Variants in STXBP5 observed in about 807,000 individuals in gnomAD.
The protein encoded by STXBP5 is syntaxin binding protein 5.
A neutral mutation model predicts 152.4 loss-of-function variants in STXBP5; 50 were observed. The observed-to-expected ratio is 0.33, with a 90% CI of 0.26 to 0.42. The LOEUF is 0.42. Ranked by LOEUF, STXBP5 falls within the 10% of genes least tolerant of loss-of-function variation. The pLI is 1.00. For synonymous variants in STXBP5, 492 were observed against 494.7 expected (o/e 0.99, Z 0.07); for missense variants, 1,167 against 1,388.6 (o/e 0.84, Z 2.54).
intron 2 of STXBP5, among the ~76,000 whole-genome samples, chr6:147,225,293 A>C (rs1472873528): frequency 6.6e-6 from 1 of 152,174 alleles, no homozygotes; most frequent in African/African-American, 2.4e-5. Flanking sequence ...TCATTTCTAA[A>C]TGTAGTTCAT....
At chr6:147,205,395 TATAG>T (rs145139309) in intron 1 of STXBP5, among the ~76,000 whole-genome samples, 1 of 142,036 alleles carries the variant, frequency 7.0e-6, no homozygotes, top group African/African-American at 2.6e-5. Flanking sequence ...TATATATATA[TATAG>T]GTCTAATGCC....
At chr6:147,381,138 A>G (rs1457433967) in intron 26 of STXBP5, among the ~76,000 whole-genome samples, 1 of 152,086 alleles carries the variant, frequency 6.6e-6, no homozygotes, top group East Asian at 1.9e-4. Context: ...GTTACCTCCC[A>G]CTGGGTCTTT....
At chr6:147,343,242 A>G (rs913273829) in intron 21 of STXBP5, among the ~76,000 whole-genome samples, 1 of 152,164 alleles carries the variant, frequency 6.6e-6, no homozygotes. Context: ...CTGAGTTAAC[A>G]TAATTATTTA....
intron 14 of STXBP5, 40 bp downstream of exon 14, chr6:147,314,676 C>T (rs1356280483): frequency 8.8e-6 from 13 of 1,476,188 alleles, no homozygotes; most frequent in Non-Finnish European, 1.1e-5. Flanking sequence ...ATATGTTATA[C>T]AATCACTGCT....
intron 25 of STXBP5, among the ~76,000 whole-genome samples, chr6:147,372,391 T>C (rs1345818894): frequency 7.2e-6 from 1 of 139,428 alleles, no homozygotes; most frequent in African/African-American, 2.6e-5. Context: ...ATATAAATGT[T>C]ACTACCGTCC....
intron 18 of STXBP5, among the ~76,000 whole-genome samples, chr6:147,332,327 A>C (rs1482817219): frequency 6.6e-6 from 1 of 152,228 alleles, no homozygotes; most frequent in Non-Finnish European, 1.5e-5. Flanking sequence ...AGTAATATAC[A>C]GTAGATTACA....
At chr6:147,312,187 A>G (rs1210131699) in intron 11 of STXBP5, among the ~76,000 whole-genome samples, 2 of 152,136 alleles carry the variant, frequency 1.3e-5, no homozygotes, top group Non-Finnish European at 2.9e-5. Context: ...TTCAAAGTCA[A>G]CCTTCTTATC....
At chr6:147,324,938 C>A in intron 16 of STXBP5, 21 bp from the exon 17 acceptor site, 1 of 1,485,918 alleles carries the variant, frequency 6.7e-7, no homozygotes, top group South Asian at 1.4e-5. Context: ...TTTAAAGATA[C>A]CATGTTTTCT....
At chr6:147,366,363 T>C (rs920933921) in intron 25 of STXBP5, among the ~76,000 whole-genome samples, 7 of 152,224 alleles carry the variant, frequency 4.6e-5, no homozygotes, top group Admixed American at 4.6e-4. Context: ...TGGATATTAG[T>C]TTCCTGAGGC....
At chr6:147,225,898 G>C (rs561084066) in intron 2 of STXBP5, among the ~76,000 whole-genome samples, 1 of 152,240 alleles carries the variant, frequency 6.6e-6, no homozygotes, top group East Asian at 1.9e-4. Context: ...GGATTTTAAG[G>C]GCTATAATGG....
At chr6:147,239,772 A>C (rs1179521567) in intron 4 of STXBP5, among the ~76,000 whole-genome samples, 1 of 152,136 alleles carries the variant, frequency 6.6e-6, no homozygotes, top group African/African-American at 2.4e-5. Context: ...GTTATGTTAC[A>C]TATGTCTTTG....
At chr6:147,360,410 GT>G (rs1490025203) in intron 23 of STXBP5, among the ~76,000 whole-genome samples, 2 of 152,200 alleles carry the variant, frequency 1.3e-5, no homozygotes, top group East Asian at 1.9e-4. Flanking sequence ...ATGGCCTTAT[GT>G]TTTAATGAAA....
intron 9 of STXBP5, among the ~76,000 whole-genome samples, chr6:147,305,791 G>C (rs1240480890): frequency 6.6e-6 from 1 of 152,116 alleles, no homozygotes; most frequent in Non-Finnish European, 1.5e-5. Context: ...GAGTGGTAAA[G>C]TTTAGGTATT....
chr6:147,372,144 G>C (rs778374022), intron 25 of STXBP5, among the ~76,000 whole-genome samples: 1 of 151,952 alleles, frequency 6.6e-6, no homozygotes, highest in South Asian at 2.1e-4. Context: ...AAATAAAAAC[G>C]TAAGAGCTTC....
intron 26 of STXBP5, among the ~76,000 whole-genome samples, chr6:147,376,644 C>T (rs1408253174): frequency 1.3e-5 from 2 of 151,970 alleles, no homozygotes; most frequent in Admixed American, 6.6e-5. Context: ...TAACAAGACC[C>T]TGTCTCTACA....
chr6:147,359,163 C>T lies in STXBP5; in HGVS notation c.2385C>T (p.Ser795=), dbSNP rs140078489. Residue 795 remains serine (S), a synonymous_variant, in exon 23 of 28, where the codon TCC becomes TCT. Transcript: ENST00000321680. ...SIDKESREAI[S]ALHFCETFTR... Reference sequence around the variant, plus strand: ...ACAAAGAATCCCGAGAAGCGATCTCCGCTCTTCATTTCTGTGAAACGTTTA... The same window carrying T: ...ACAAAGAATCCCGAGAAGCGATCTCTGCTCTTCATTTCTGTGAAACGTTTA... 4.7e-4 allele frequency: 753 copies of T among 1,614,060 alleles called. 4 individuals are homozygous for T. The African/African-American group carries it at 5.7e-3, about 12-fold the overall frequency.
At chr6:147,382,223 A>T (rs1314210655) in intron 26 of STXBP5, among the ~76,000 whole-genome samples, 4 of 152,124 alleles carry the variant, frequency 2.6e-5, no homozygotes, top group African/African-American at 9.7e-5. Flanking sequence ...TCCATTTGGT[A>T]AATGACAAGA....
chr6:147,331,919 C>T (rs1460242084), intron 18 of STXBP5, among the ~76,000 whole-genome samples: 1 of 151,864 alleles, frequency 6.6e-6, no homozygotes, highest in Admixed American at 6.6e-5. Context: ...ACACTCAGTG[C>T]CTCAGTTTCT....
chr6:147,284,602 G>C (rs960479951), intron 8 of STXBP5, among the ~76,000 whole-genome samples: 2 of 152,196 alleles, frequency 1.3e-5, no homozygotes, highest in African/African-American at 4.8e-5. Context: ...CAAATTCAGG[G>C]TATATGAACT....
Sources: allele counts gnomAD v4.1 joint callset (sites outside exome capture counted in the v4.1 genomes callset), GRCh38; gene constraint gnomAD v4.1.1; transcripts MANE v1.5; gene names NCBI Gene and HGNC (gene_info 2026-07-23, HGNC 2026-07-21).